Variants in ENPP1 observed in about 807,000 individuals in gnomAD.
ENPP1 encodes the protein ectonucleotide pyrophosphatase/phosphodiesterase 1, also known as ectonucleotide pyrophosphatase/phosphodiesterase family member 1.
ENPP1 carries 73 observed loss-of-function variants against 122.8 expected under a neutral mutation model. The observed-to-expected ratio is 0.59, with a 90% confidence interval of 0.49 to 0.72. ENPP1 has a LOEUF of 0.72. Ranked by LOEUF, ENPP1 falls within the 30% of genes least tolerant of loss-of-function variation. ENPP1 has a pLI of 0.00. For missense variants in ENPP1, 978 were observed against 1,128.1 expected, an observed-to-expected ratio of 0.87 and a Z score of 1.91; for synonymous variants, 367 against 391.6, an observed-to-expected ratio of 0.94 and a Z score of 0.74.
At chr6:131,886,016 G>A (rs577551787) in intron 23 of ENPP1, among the ~76,000 whole-genome samples, 1 of 152,242 alleles carries the variant, frequency 6.6e-6, no homozygotes, top group South Asian at 2.1e-4. Context: ...CCTTAAAATA[G>A]GAGAATGACT....
intron 1 of ENPP1, chr6:131,820,039 C>G (rs547209890): frequency 5.4e-6 from 3 of 551,680 alleles, no homozygotes; most frequent in South Asian, 4.5e-5. Flanking sequence ...AGATAATCTC[C>G]ATGGAGACTG....
At chr6:131,839,806 A>G (rs1390024709) in intron 1 of ENPP1, among the ~76,000 whole-genome samples, 2 of 152,036 alleles carry the variant, frequency 1.3e-5, no homozygotes, top group Non-Finnish European at 2.9e-5. Flanking sequence ...TGGCTGTATA[A>G]CAGTTATATA....
intron 18 of ENPP1, chr6:131,877,866 A>AAAAAAAAAAATATATATAT (rs1562183349): frequency 3.8e-5 from 2 of 53,022 alleles, no homozygotes; most frequent in African/African-American, 9.3e-5. Context: ...AAAAAAAAAA[A>AAAAAAAAAAATATATATAT]ATATATATAT....
chr6:131,888,940 C>T (rs200037527), intron 24 of ENPP1, among the ~76,000 whole-genome samples: 4 of 152,278 alleles, frequency 2.6e-5, no homozygotes, highest in East Asian at 1.9e-4. Flanking sequence ...CCTGGGATGG[C>T]GCTTTGGGTC....
At chr6:131,879,812 AG>A in intron 19 of ENPP1, 67 bp from the exon 20 acceptor site, 1 of 1,339,994 alleles carries the variant, frequency 7.5e-7, no homozygotes, top group Non-Finnish European at 1.1e-6. Context: ...GGATTAGATG[AG>A]TGTATCACAC....
intron 24 of ENPP1, among the ~76,000 whole-genome samples, chr6:131,887,067 T>A (rs761898108): frequency 7.2e-5 from 11 of 151,908 alleles, no homozygotes; most frequent in Non-Finnish European, 1.2e-4. Context: ...CCTGGCCCCT[T>A]TGTCTGGTAA....
At chr6:131,886,485 A>C in intron 23 of ENPP1, 77 bp from the exon 24 acceptor site, 1 of 1,090,106 alleles carries the variant, frequency 9.2e-7, no homozygotes, top group African/African-American at 1.6e-5. Flanking sequence ...ATGTATTAAA[A>C]GCATGCTCTA....
intron 1 of ENPP1, chr6:131,827,733 C>T: frequency 4.4e-6 from 3 of 687,694 alleles, no homozygotes; most frequent in Non-Finnish European, 8.1e-6. Context: ...GCCCCTCCTT[C>T]TTGTCCAGGC....
intron 11 of ENPP1, among the ~76,000 whole-genome samples, chr6:131,866,713 T>C (rs1485365394): frequency 6.6e-6 from 1 of 152,180 alleles, no homozygotes; most frequent in Admixed American, 6.5e-5. Context: ...GTGCCTTCCT[T>C]TCATTCTGTC....
chr6:131,817,363 C>T (rs1781427456), intron 1 of ENPP1, among the ~76,000 whole-genome samples: 1 of 152,076 alleles, frequency 6.6e-6, no homozygotes, highest in African/African-American at 2.4e-5. Flanking sequence ...AAGCTTGCCT[C>T]TATATTGAGA....
rs564793680 is a variant in ENPP1 at position 131,886,201 on chromosome 6, C to T, written c.2445-361C>T. 7.2e-5 allele frequency among the ~76,000 whole-genome samples: 11 copies of T among 152,210 alleles called. No individual in the cohort carries two copies. The East Asian group carries it at 7.7e-4, about 11-fold the overall frequency. On this transcript the variant is annotated intron_variant, in intron 23 of 24. Transcript: ENST00000647893. ...TCTCTGCCCACTATTTGTCTATAAT[C>T]GCCTAGAAGTTAAGACTATCAATAA...
At chr6:131,876,216 C>T (rs565893366) in intron 17 of ENPP1, among the ~76,000 whole-genome samples, 1 of 152,000 alleles carries the variant, frequency 6.6e-6, no homozygotes, top group Non-Finnish European at 1.5e-5. Context: ...GAAAGGTGGA[C>T]AAAACTTTTG....
intron 1 of ENPP1, among the ~76,000 whole-genome samples, chr6:131,843,824 A>G (rs1781771698): frequency 6.6e-6 from 1 of 151,718 alleles, no homozygotes; most frequent in Non-Finnish European, 1.5e-5. Flanking sequence ...GTTTGTTGCC[A>G]TCTTTCACAT....
At chr6:131,840,179 G>A (rs1359292518) in intron 1 of ENPP1, among the ~76,000 whole-genome samples, 1 of 152,162 alleles carries the variant, frequency 6.6e-6, no homozygotes, top group Non-Finnish European at 1.5e-5. Flanking sequence ...ATACAAATTG[G>A]TGTTTACATG....
At position 131,882,058 on chromosome 6, in the gene ENPP1, T is replaced by TAAAA. The variant is rs59854617; in HGVS notation, c.2101-286_2101-285insAAAA. On this transcript the variant is annotated intron_variant, in intron 20 of 24. Coordinates refer to ENST00000647893, the MANE Select transcript of ENPP1 (RefSeq NM_006208.3). ...ATAAATAAATAAATAAATAAATAAA[T>TAAAA]ATTTAAAATTGTGTAGATAAAATCA... 0.054 allele frequency among the ~76,000 whole-genome samples: 8,139 copies of TAAAA among 151,240 alleles called. 650 individuals carry two copies. The highest frequency in any genetic ancestry group is 0.18 in the African/African-American group (7,312 of 41,214).
chr6:131,821,579 C>T (rs1380055497), intron 1 of ENPP1, among the ~76,000 whole-genome samples: 2 of 152,184 alleles, frequency 1.3e-5, no homozygotes, highest in East Asian at 1.9e-4. Context: ...CCTGTGCTCT[C>T]GTGTGTTGCT....
chr6:131,846,966 G>A (rs1399219346), intron 1 of ENPP1, among the ~76,000 whole-genome samples: 1 of 152,200 alleles, frequency 6.6e-6, no homozygotes, highest in African/African-American at 2.4e-5. Flanking sequence ...GTTAGCACTG[G>A]AAAGATGTTT....
intron 13 of ENPP1, among the ~76,000 whole-genome samples, chr6:131,869,854 TAAAAAAAA>T (rs757712283): frequency 1.0e-5 from 1 of 99,050 alleles, no homozygotes; most frequent in Non-Finnish European, 2.1e-5. Flanking sequence ...AGACTTGGTC[TAAAAAAAA>T]AAAAAAAAAA....
chr6:131,821,924 C>T (rs1261713645), intron 1 of ENPP1, among the ~76,000 whole-genome samples: 1 of 152,180 alleles, frequency 6.6e-6, no homozygotes, highest in Non-Finnish European at 1.5e-5. Context: ...TTCCATAATA[C>T]TTCATCATCC....
Sources: allele counts gnomAD v4.1 joint callset (sites outside exome capture counted in the v4.1 genomes callset), GRCh38; gene constraint gnomAD v4.1.1; transcripts MANE v1.5; gene names NCBI Gene and HGNC (gene_info 2026-07-23, HGNC 2026-07-21).